The following FAM110B variants were observed in gnomAD, a reference collection of about 807,000 sequenced individuals.
The protein encoded by FAM110B is family with sequence similarity 110 member B, also known as protein FAM110B.
FAM110B carries 6 observed loss-of-function variants against 20.4 expected under a neutral mutation model. That is an observed-to-expected ratio of 0.29 (90% CI 0.16 to 0.58). The LOEUF (loss-of-function observed/expected upper bound fraction) is 0.58, where lower values mean the gene tolerates loss of function less well. Ranked by LOEUF, FAM110B falls within the 20% of genes least tolerant of loss-of-function variation. The pLI, the probability that FAM110B is intolerant of heterozygous loss-of-function variation, is 0.90. For synonymous variants in FAM110B, 226 were observed against 214.1 expected, an observed-to-expected ratio of 1.06 and a Z score of -0.49; for missense variants, 434 against 498.2, an observed-to-expected ratio of 0.87 and a Z score of 1.23.
Position 58,146,893 on chromosome 8 carries a change from C to T in FAM110B, c.663C>T (p.Ala221=). 6.2e-7 allele frequency: 1 copy of T among 1,614,182 alleles called. No homozygotes were observed. Among genetic ancestry groups the T allele is most frequent in the Non-Finnish European group, 8.5e-7 (1 of 1,180,036 alleles). The change falls in exon 4 of 4, where the codon GCC becomes GCT. Residue 221 remains alanine, a synonymous_variant. Coordinates refer to ENST00000519262, the MANE Select transcript of FAM110B (RefSeq NM_001377989.1). The part of the protein sequence containing the change: ...PLKAIPCSSS[A]PPLPPKPKIA... ...AGGCCATCCCCTGCAGTAGCTCTGC[C>T]CCTCCCCTGCCTCCCAAGCCCAAAA...
chr8:58,129,573 G>A (rs1278622913), intron 3 of FAM110B, among the ~76,000 whole-genome samples: 1 of 152,168 alleles, frequency 6.6e-6, no homozygotes, highest in East Asian at 1.9e-4. Flanking sequence ...GGCGCTGCTG[G>A]AGGCACTGTA....
intron 1 of FAM110B, among the ~76,000 whole-genome samples, chr8:58,004,822 C>A (rs547233105): frequency 6.6e-6 from 1 of 152,204 alleles, no homozygotes; most frequent in Non-Finnish European, 1.5e-5. Context: ...TCTCTCTCAG[C>A]CTTCATTGAA....
At chr8:58,145,153 C>A (rs1361048119) in intron 3 of FAM110B, among the ~76,000 whole-genome samples, 1 of 151,946 alleles carries the variant, frequency 6.6e-6, no homozygotes, top group African/African-American at 2.4e-5. Flanking sequence ...ATCAAATTAT[C>A]TACTCATATG....
chr8:58,074,801 A>C (rs748199891), intron 2 of FAM110B, among the ~76,000 whole-genome samples: 4 of 152,098 alleles, frequency 2.6e-5, no homozygotes, highest in Non-Finnish European at 4.4e-5. Context: ...AATGGGCCTC[A>C]GTTTCTGGTT....
intron 1 of FAM110B, among the ~76,000 whole-genome samples, chr8:58,028,759 A>G (rs901617114): frequency 6.6e-5 from 10 of 152,168 alleles, no homozygotes; most frequent in African/African-American, 2.4e-4. Context: ...GCATGCGTAG[A>G]GGAGTTCTTC....
chr8:58,106,649 G>A (rs1340618189), intron 3 of FAM110B, among the ~76,000 whole-genome samples: 1 of 152,118 alleles, frequency 6.6e-6, no homozygotes, highest in African/African-American at 2.4e-5. Context: ...CATAGGAAGT[G>A]ATATCATCAA....
At chr8:58,100,724 A>G (rs1037419558) in intron 3 of FAM110B, 9 of 152,288 alleles carry the variant, frequency 5.9e-5, no homozygotes, top group African/African-American at 2.2e-4. Flanking sequence ...AGCCTACTCC[A>G]GAATGACCTC....
At chr8:58,128,431 C>T (rs983513839) in intron 3 of FAM110B, among the ~76,000 whole-genome samples, 17 of 152,196 alleles carry the variant, frequency 1.1e-4, no homozygotes, top group African/African-American at 3.9e-4. Context: ...TCACTTCCCT[C>T]ACCAGCACCC....
intron 1 of FAM110B, among the ~76,000 whole-genome samples, chr8:58,029,380 C>A (rs1165690600): frequency 6.6e-6 from 1 of 152,084 alleles, no homozygotes; most frequent in Non-Finnish European, 1.5e-5. Flanking sequence ...AAGAATATCC[C>A]AAATTTCATT....
intron 1 of FAM110B, among the ~76,000 whole-genome samples, chr8:58,012,789 A>G (rs1321167227): frequency 6.6e-6 from 1 of 152,192 alleles, no homozygotes; most frequent in Non-Finnish European, 1.5e-5. Context: ...ATTGGTGCAA[A>G]GATGTATTCT....
chr8:58,080,141 A>T (rs77773761), intron 3 of FAM110B, among the ~76,000 whole-genome samples: 340 of 152,352 alleles, frequency 2.2e-3, no homozygotes, highest in African/African-American at 7.5e-3. Flanking sequence ...TACACTGGGT[A>T]TAAAGCCCAA....
chr8:58,017,527 A>G (rs1019370134), intron 1 of FAM110B, among the ~76,000 whole-genome samples: 2 of 152,190 alleles, frequency 1.3e-5, no homozygotes, highest in Non-Finnish European at 2.9e-5. Flanking sequence ...CTCAACTTGA[A>G]CTTGACATCA....
intron 2 of FAM110B, among the ~76,000 whole-genome samples, chr8:58,072,611 G>GT (rs1805928591): frequency 6.6e-6 from 1 of 152,152 alleles, no homozygotes; most frequent in Non-Finnish European, 1.5e-5. Context: ...TAAAAAGAAA[G>GT]TTTTTGGACA....
intron 2 of FAM110B, among the ~76,000 whole-genome samples, chr8:58,050,786 C>A (rs911218187): frequency 6.6e-6 from 1 of 152,124 alleles, no homozygotes; most frequent in Non-Finnish European, 1.5e-5. Context: ...CTGCCAATCA[C>A]GGGAGTCAAA....
chr8:58,041,270 C>T (rs1406313939), intron 2 of FAM110B, among the ~76,000 whole-genome samples: 1 of 152,180 alleles, frequency 6.6e-6, no homozygotes, highest in African/African-American at 2.4e-5. Context: ...CGTCTGTGCA[C>T]ACCTCACTAA....
At chr8:58,076,195 A>G (rs1563360987) in intron 3 of FAM110B, among the ~76,000 whole-genome samples, 1 of 152,180 alleles carries the variant, frequency 6.6e-6, no homozygotes, top group Non-Finnish European at 1.5e-5. Flanking sequence ...CCTGGCTTCA[A>G]GCAGTCCTTC....
At chr8:57,998,764 A>G (rs1193133330) in intron 1 of FAM110B, among the ~76,000 whole-genome samples, 1 of 152,226 alleles carries the variant, frequency 6.6e-6, no homozygotes, top group Non-Finnish European at 1.5e-5. Flanking sequence ...GAATGTTAAC[A>G]TCCAAACGAT....
At chr8:58,121,062 G>T (rs73682158) in intron 3 of FAM110B, among the ~76,000 whole-genome samples, 3 of 152,208 alleles carry the variant, frequency 2.0e-5, no homozygotes, top group Admixed American at 1.3e-4. Context: ...CTCAGTTCCA[G>T]TGCAGGAGAC....
At chr8:58,074,476 T>G (rs920086341) in intron 2 of FAM110B, among the ~76,000 whole-genome samples, 2 of 152,192 alleles carry the variant, frequency 1.3e-5, no homozygotes, top group Non-Finnish European at 2.9e-5. Context: ...GTTCCCTCAC[T>G]GCCTGCAGGA....
Sources: gnomAD v4.1 joint callset for allele counts (sites outside exome capture counted in the v4.1 genomes callset) on GRCh38, gnomAD v4.1.1 for gene constraint, MANE v1.5 for transcripts, NCBI Gene and HGNC (gene_info 2026-07-23, HGNC 2026-07-21) for gene names.